MSI2: variants seen among roughly 807,000 people sequenced by gnomAD.
MSI2 encodes the protein musashi RNA binding protein 2.
In MSI2, 17 loss-of-function variants were observed where a neutral mutation model predicts 45.6. The observed-to-expected ratio is 0.37, with a 90% CI of 0.26 to 0.56. The LOEUF (loss-of-function observed/expected upper bound fraction) is 0.56. Among genes scored for constraint, MSI2 ranks in the 20% least tolerant of loss-of-function variants. The pLI, the probability that MSI2 is intolerant of heterozygous loss-of-function variation, is 0.77. For synonymous variants in MSI2, 156 were observed against 158.2 expected (o/e 0.99, Z 0.11); for missense variants, 293 against 444.2 (o/e 0.66, Z 3.06).
At chr17:57,523,171 C>G (rs1004131409) in intron 6 of MSI2, among the ~76,000 whole-genome samples, 2 of 152,232 alleles carry the variant, frequency 1.3e-5, no homozygotes, top group African/African-American at 4.8e-5. Flanking sequence ...CCTCAGCCTC[C>G]CGCGCAGCTG....
At chr17:57,520,437 G>A (rs1367220877) in intron 6 of MSI2, among the ~76,000 whole-genome samples, 1 of 152,098 alleles carries the variant, frequency 6.6e-6, no homozygotes, top group Non-Finnish European at 1.5e-5. Context: ...GATCCCACAA[G>A]AATAAAAGAA....
At chr17:57,498,471 G>A (rs1010981059) in intron 6 of MSI2, among the ~76,000 whole-genome samples, 3 of 152,216 alleles carry the variant, frequency 2.0e-5, no homozygotes, top group Admixed American at 6.5e-5. Context: ...GAGGTACCTG[G>A]CTACCCCAGG....
intron 5 of MSI2, among the ~76,000 whole-genome samples, chr17:57,351,012 G>A (rs1464090833): frequency 6.6e-6 from 1 of 152,120 alleles, no homozygotes; most frequent in African/African-American, 2.4e-5. Flanking sequence ...GGAGGGAGCA[G>A]GTACTGAAAT....
At chr17:57,400,302 T>C (rs554672496) in intron 5 of MSI2, among the ~76,000 whole-genome samples, 251 of 152,192 alleles carry the variant, frequency 1.6e-3, no homozygotes, top group African/African-American at 5.9e-3. Context: ...CTAAACTCAG[T>C]CTTTAGAAAG....
intron 6 of MSI2, among the ~76,000 whole-genome samples, chr17:57,496,638 G>A (rs537993452): frequency 3.3e-5 from 5 of 152,208 alleles, no homozygotes; most frequent in Non-Finnish European, 5.9e-5. Context: ...GACAGAGCAC[G>A]CAGGAGGCGG....
chr17:57,495,434 G>A (rs958828324), intron 6 of MSI2, among the ~76,000 whole-genome samples: 2 of 149,000 alleles, frequency 1.3e-5, no homozygotes, highest in African/African-American at 4.9e-5. Flanking sequence ...TCAGGAGGCT[G>A]AGGCAGGAGA....
Position 57,548,044 on chromosome 17 carries a change from C to G in MSI2, c.454+18320C>G, listed in dbSNP as rs1424541499. 3.9e-5 allele frequency among the ~76,000 whole-genome samples: 6 copies of G among 152,244 alleles called. No homozygotes were observed. The South Asian group carries it at 1.0e-3, about 26-fold the overall frequency. On this transcript the variant is annotated intron_variant, in intron 7 of 13. Transcript: ENST00000284073. ...TTCAAGAATCAAAGCATCATTGCAT[C>G]CACCCCAACAGGGAAGAGAGATCCC...
intron 5 of MSI2, among the ~76,000 whole-genome samples, chr17:57,318,561 G>A (rs967347299): frequency 4.0e-5 from 6 of 151,798 alleles, no homozygotes; most frequent in African/African-American, 7.3e-5. Context: ...GGGTTGGGGC[G>A]TTGGTGCTGC....
At chr17:57,512,409 G>A (rs905887163) in intron 6 of MSI2, among the ~76,000 whole-genome samples, 4 of 152,154 alleles carry the variant, frequency 2.6e-5, no homozygotes, top group African/African-American at 7.2e-5. Context: ...TGGGCTTAGG[G>A]TAATAGCTCT....
At chr17:57,526,715 A>G (rs2086710374) in intron 6 of MSI2, among the ~76,000 whole-genome samples, 1 of 151,542 alleles carries the variant, frequency 6.6e-6, no homozygotes, top group Non-Finnish European at 1.5e-5. Flanking sequence ...AAAGTTTTCT[A>G]CCCCCAAGCA....
At chr17:57,547,410 A>G (rs908737924) in intron 7 of MSI2, among the ~76,000 whole-genome samples, 1 of 152,164 alleles carries the variant, frequency 6.6e-6, no homozygotes, top group Non-Finnish European at 1.5e-5. Context: ...GTGGAAGTTT[A>G]TTGGAGAAGT....
At chr17:57,494,186 A>G (rs573341942) in intron 6 of MSI2, among the ~76,000 whole-genome samples, 1 of 152,334 alleles carries the variant, frequency 6.6e-6, no homozygotes, top group East Asian at 1.9e-4. Context: ...TTCTTGTTGG[A>G]GAATTCATTT....
chr17:57,270,370 C>T (rs931264324), intron 5 of MSI2, among the ~76,000 whole-genome samples: 1 of 152,244 alleles, frequency 6.6e-6, no homozygotes, highest in South Asian at 2.1e-4. Flanking sequence ...GGACCAAAGT[C>T]TCTCTGAATC....
At chr17:57,346,106 C>A (rs1391328193) in intron 5 of MSI2, among the ~76,000 whole-genome samples, 1 of 152,156 alleles carries the variant, frequency 6.6e-6, no homozygotes, top group Admixed American at 6.5e-5. Context: ...TCTATATCCA[C>A]CTGCTACATG....
chr17:57,452,756 T>C (rs185962688), intron 6 of MSI2, among the ~76,000 whole-genome samples: 57 of 152,278 alleles, frequency 3.7e-4, no homozygotes, highest in Admixed American at 7.2e-4. Flanking sequence ...CTGAGCAAAG[T>C]GTATTTTGTA....
At chr17:57,656,107 G>A (rs143577286) in intron 11 of MSI2, among the ~76,000 whole-genome samples, 9 of 152,236 alleles carry the variant, frequency 5.9e-5, no homozygotes, top group Admixed American at 2.0e-4. Flanking sequence ...CAGCACGGCC[G>A]TCTGAAGGAT....
chr17:57,463,352 A>G (rs955685936), intron 6 of MSI2, among the ~76,000 whole-genome samples: 3 of 152,052 alleles, frequency 2.0e-5, no homozygotes, highest in African/African-American at 7.2e-5. Context: ...GATCTTGGGG[A>G]ATTTCCAGCA....
intron 5 of MSI2, among the ~76,000 whole-genome samples, chr17:57,336,868 C>T (rs1914730361): frequency 6.6e-6 from 1 of 152,152 alleles, no homozygotes; most frequent in Non-Finnish European, 1.5e-5. Flanking sequence ...GGTCAGGAAT[C>T]TGGAGTGGGC....
At chr17:57,685,142 G>A (rs544109347), downstream of MSI2, among the ~76,000 whole-genome samples, 38 of 152,256 alleles carry the variant, frequency 2.5e-4, no homozygotes, top group African/African-American at 8.4e-4. Flanking sequence ...CCCTCAAGGA[G>A]TTTTAAGTTT....
Sources: allele counts gnomAD v4.1 joint callset (sites outside exome capture counted in the v4.1 genomes callset), GRCh38; gene constraint gnomAD v4.1.1; transcripts MANE v1.5; gene names NCBI Gene and HGNC (gene_info 2026-07-23, HGNC 2026-07-21).